Variants in ANGPT1 observed in about 807,000 individuals in gnomAD.
The protein encoded by ANGPT1 is angiopoietin 1.
Under a neutral mutation model 62.2 loss-of-function variants are expected in ANGPT1, and 17 were observed. The ratio of observed to expected loss-of-function variants is 0.27; its 90% CI spans 0.19 to 0.41. The LOEUF is 0.41. Among genes scored for constraint, ANGPT1 ranks in the 10% least tolerant of loss-of-function variants. The pLI is 1.00. For missense variants in ANGPT1, 478 were observed against 594.9 expected (o/e 0.80, Z 2.04); for synonymous variants, 199 against 198.9 (o/e 1.00, Z 0.00).
At chr8:107,373,844 T>C (rs981128377) in intron 1 of ANGPT1, among the ~76,000 whole-genome samples, 4 of 152,208 alleles carry the variant, frequency 2.6e-5, no homozygotes, top group Non-Finnish European at 4.4e-5. Context: ...TAGATGAACA[T>C]AATGATCTTT....
chr8:107,484,991 T>A (rs1812778782), intron 1 of ANGPT1, among the ~76,000 whole-genome samples: 1 of 152,190 alleles, frequency 6.6e-6, no homozygotes, highest in Admixed American at 6.5e-5. Flanking sequence ...ATGGAGACAA[T>A]GAAGTGAGAA....
chr8:107,464,015 G>A (rs1336887681), intron 1 of ANGPT1, among the ~76,000 whole-genome samples: 1 of 152,160 alleles, frequency 6.6e-6, no homozygotes, highest in African/African-American at 2.4e-5. Flanking sequence ...ATTTGCTTCA[G>A]TTTAGATCTG....
chr8:107,421,459 C>T (rs1283671), intron 1 of ANGPT1, among the ~76,000 whole-genome samples: 15,027 of 152,206 alleles, frequency 0.099, 865 homozygotes, highest in South Asian at 0.16. Flanking sequence ...ACAGTAAAGT[C>T]TCACTTTTTC....
chr8:107,303,214 T>C (rs1563559016), intron 5 of ANGPT1, 26 bp downstream of exon 5: 3 of 1,605,944 alleles, frequency 1.9e-6, no homozygotes, highest in Admixed American at 1.7e-5. Context: ...GGCTTACATC[T>C]TGTAAACAAA....
intron 7 of ANGPT1, among the ~76,000 whole-genome samples, chr8:107,272,990 C>A (rs559549164): frequency 6.6e-6 from 1 of 151,668 alleles, no homozygotes; most frequent in Non-Finnish European, 1.5e-5. Context: ...TCCTTGGCAT[C>A]ATGTGTGACT....
At chr8:107,285,235 G>C (rs182645536) in intron 6 of ANGPT1, among the ~76,000 whole-genome samples, 1 of 152,218 alleles carries the variant, frequency 6.6e-6, no homozygotes, top group African/African-American at 2.4e-5. Context: ...AACACTATGA[G>C]AGTGATATTA....
chr8:107,266,640 T>C (rs1813620205), intron 7 of ANGPT1, among the ~76,000 whole-genome samples: 1 of 152,194 alleles, frequency 6.6e-6, no homozygotes, highest in African/African-American at 2.4e-5. Context: ...TTTTTGTTTC[T>C]CTGTGATTTG....
In ANGPT1 at chr8:107,252,459, C is replaced by A. The variant is rs114953628; in HGVS notation, c.1337-444G>T. On this transcript the variant is annotated intron_variant, in intron 8 of 8. Transcript: ENST00000517746. ...GAAGAAATGCAGAAACTTAGACAAG[C>A]AACTGAGATCTAAATAGAAAGATAT... 6.2e-3 allele frequency among the ~76,000 whole-genome samples: 944 copies of A among 152,238 alleles called. 10 individuals carry two copies. The highest frequency in any genetic ancestry group is 0.021 in the African/African-American group (892 of 41,560).
chr8:107,355,850 A>G (rs901143609), intron 1 of ANGPT1, among the ~76,000 whole-genome samples: 2 of 152,090 alleles, frequency 1.3e-5, no homozygotes, highest in Non-Finnish European at 2.9e-5. Flanking sequence ...TCTGGAGCAC[A>G]CTGTGCCTCT....
At chr8:107,403,373 C>A (rs781749802) in intron 1 of ANGPT1, among the ~76,000 whole-genome samples, 1 of 152,044 alleles carries the variant, frequency 6.6e-6, no homozygotes, top group East Asian at 1.9e-4. Context: ...AAACTGAGAA[C>A]GTGAATAACT....
chr8:107,375,774 A>G (rs1368678964), intron 1 of ANGPT1, among the ~76,000 whole-genome samples: 1 of 152,204 alleles, frequency 6.6e-6, no homozygotes, highest in Non-Finnish European at 1.5e-5. Context: ...TGCTCAGGCC[A>G]CATGGAAATA....
intron 1 of ANGPT1, among the ~76,000 whole-genome samples, chr8:107,417,874 T>G (rs1191295649): frequency 6.6e-6 from 1 of 152,216 alleles, no homozygotes; most frequent in African/African-American, 2.4e-5. Context: ...TAAAATCATG[T>G]AAGTCTACAG....
At chr8:107,389,796 C>T (rs919774817) in intron 1 of ANGPT1, among the ~76,000 whole-genome samples, 22 of 152,054 alleles carry the variant, frequency 1.4e-4, no homozygotes, top group African/African-American at 4.3e-4. Context: ...CAAACAACAG[C>T]GTTTTAGAAA....
intron 3 of ANGPT1, among the ~76,000 whole-genome samples, chr8:107,329,954 G>A (rs1474937259): frequency 6.6e-6 from 1 of 151,966 alleles, no homozygotes; most frequent in Non-Finnish European, 1.5e-5. Context: ...TGAAATTATG[G>A]GGAGGAAACA....
chr8:107,269,588 T>C (rs1813692494), intron 7 of ANGPT1, among the ~76,000 whole-genome samples: 1 of 152,048 alleles, frequency 6.6e-6, no homozygotes, highest in Admixed American at 6.6e-5. Context: ...GGAATCCTGG[T>C]TATTTATTTC....
chr8:107,459,201 G>A (rs1206374575), intron 1 of ANGPT1, among the ~76,000 whole-genome samples: 1 of 152,008 alleles, frequency 6.6e-6, no homozygotes, highest in Non-Finnish European at 1.5e-5. Flanking sequence ...CAACTCCATG[G>A]AGCTTTTAAA....
At chr8:107,454,292 G>T (rs918108285) in intron 1 of ANGPT1, among the ~76,000 whole-genome samples, 1 of 152,014 alleles carries the variant, frequency 6.6e-6, no homozygotes, top group African/African-American at 2.4e-5. Context: ...TAGGGAGGGT[G>T]ACTTGTGATG....
intron 1 of ANGPT1, among the ~76,000 whole-genome samples, chr8:107,440,144 C>T (rs1359777051): frequency 6.6e-6 from 1 of 151,980 alleles, no homozygotes; most frequent in East Asian, 1.9e-4. Context: ...AAGGTCAGGG[C>T]AGGAGAGGAA....
intron 4 of ANGPT1, among the ~76,000 whole-genome samples, chr8:107,312,485 G>A (rs1036881209): frequency 1.3e-5 from 2 of 152,202 alleles, no homozygotes; most frequent in African/African-American, 4.8e-5. Flanking sequence ...GAAAGCAGTT[G>A]CCAGATGTTT....
Sources: gnomAD v4.1 joint callset for allele counts (sites outside exome capture counted in the v4.1 genomes callset) on GRCh38, gnomAD v4.1.1 for gene constraint, MANE v1.5 for transcripts, NCBI Gene and HGNC (gene_info 2026-07-23, HGNC 2026-07-21) for gene names.